Variants in ZYG11B observed in about 807,000 individuals in gnomAD.
ZYG11B encodes the protein zyg-11 family member B, cell cycle regulator, also known as protein zyg-11 homolog B.
Under a neutral mutation model 82.4 loss-of-function variants are expected in ZYG11B, and 36 were observed. The ratio of observed to expected loss-of-function variants is 0.44; its 90% CI spans 0.33 to 0.58. The LOEUF (loss-of-function observed/expected upper bound fraction) is 0.58, where lower values mean the gene tolerates loss of function less well. Ranked by LOEUF, ZYG11B falls within the 20% of genes least tolerant of loss-of-function variation. The pLI is 0.02. For missense variants in ZYG11B, 552 were observed against 895.6 expected (o/e 0.62, Z 4.90); for synonymous variants, 303 against 312.8 (o/e 0.97, Z 0.33).
chr1:52,729,100 C>T (rs945879413), intron 1 of ZYG11B, among the ~76,000 whole-genome samples: 1 of 152,158 alleles, frequency 6.6e-6, no homozygotes, highest in Non-Finnish European at 1.5e-5. Flanking sequence ...AAAATCAGTT[C>T]CCCAGTGGAT....
chr1:52,756,042 C>A (rs763952147), intron 1 of ZYG11B, among the ~76,000 whole-genome samples: 10 of 152,162 alleles, frequency 6.6e-5, no homozygotes, highest in Non-Finnish European at 1.2e-4. Flanking sequence ...TCAAGTGATC[C>A]TCCCACCTCG....
intron 1 of ZYG11B, among the ~76,000 whole-genome samples, chr1:52,749,635 C>T (rs925468895): frequency 1.3e-5 from 2 of 151,908 alleles, no homozygotes; most frequent in African/African-American, 4.8e-5. Context: ...TGGAGTTTTG[C>T]TCTCGTCGCC....
chr1:52,786,868 A>G (rs1644917490), intron 5 of ZYG11B, among the ~76,000 whole-genome samples: 1 of 152,200 alleles, frequency 6.6e-6, no homozygotes, highest in Non-Finnish European at 1.5e-5. Context: ...AGGCAGGCAT[A>G]TCACATGAGG....
intron 12 of ZYG11B, among the ~76,000 whole-genome samples, chr1:52,815,548 A>G (rs12069264): frequency 0.025 from 3,797 of 152,134 alleles, 162 homozygotes; most frequent in African/African-American, 0.087. Flanking sequence ...TGAGCCTGGA[A>G]GGTTGAGGCT....
intron 1 of ZYG11B, among the ~76,000 whole-genome samples, chr1:52,747,597 C>T (rs193127715): frequency 2.0e-5 from 3 of 151,508 alleles, no homozygotes; most frequent in Admixed American, 6.6e-5. Flanking sequence ...TTCTCTCTCT[C>T]GTAACAGGTA....
intron 1 of ZYG11B, among the ~76,000 whole-genome samples, chr1:52,756,052 G>A (rs1032403294): frequency 6.6e-6 from 1 of 152,066 alleles, no homozygotes; most frequent in South Asian, 2.1e-4. Context: ...CTCCCACCTC[G>A]GCCCTACCCT....
At chr1:52,736,797 C>T (rs746168890) in intron 1 of ZYG11B, among the ~76,000 whole-genome samples, 3 of 151,984 alleles carry the variant, frequency 2.0e-5, no homozygotes, top group Non-Finnish European at 2.9e-5. Flanking sequence ...CCATGTTGGT[C>T]AGGCTGGTCT....
intron 3 of ZYG11B, among the ~76,000 whole-genome samples, chr1:52,773,909 C>T (rs1445657866): frequency 6.6e-6 from 1 of 151,404 alleles, no homozygotes; most frequent in African/African-American, 2.4e-5. Context: ...TTCCAAAGTG[C>T]TAGGATTACA....
intron 1 of ZYG11B, among the ~76,000 whole-genome samples, chr1:52,745,747 A>G (rs1288119420): frequency 6.6e-6 from 1 of 151,432 alleles, no homozygotes; most frequent in Non-Finnish European, 1.5e-5. Flanking sequence ...TATTTTTAGT[A>G]GAGATGGGGT....
Position 52,801,815 on chromosome 1 carries a change from TCAGCAACTTC to T in ZYG11B, c.1486-3_1492del. On this transcript the variant is annotated splice_acceptor_variant and splice_polypyrimidine_tract_variant and coding_sequence_variant and intron_variant, in exon 9 of 14. Transcript: ENST00000294353. LOFTEE classifies it high-confidence loss of function. ...AAACTTATTTCTGTTTTTTTTTTTT[TCAGCAACTTC>T]TTCAAATAGTGAAGCAGAAAACCAA... The T allele has an allele frequency of 6.4e-7, 1 of 1,573,476 alleles. No homozygotes were observed. The highest frequency in any genetic ancestry group is 2.1e-5 in the Admixed American group (1 of 48,392).
intron 6 of ZYG11B, among the ~76,000 whole-genome samples, chr1:52,792,387 G>A (rs533012130): frequency 5.3e-4 from 80 of 152,272 alleles, no homozygotes; most frequent in Non-Finnish European, 1.0e-3. Context: ...AGATAAAAAC[G>A]GTAAAAACTA....
At position 52,776,229 on chromosome 1, in the gene ZYG11B, A is replaced by AATAT. The variant is rs1293809937; in HGVS notation, c.952-3611_952-3608dup. Among the ~76,000 whole-genome samples the AATAT allele has an allele frequency of 3.4e-4, 8 of 23,528 alleles. 2 individuals are homozygous for AATAT. The highest frequency in any genetic ancestry group is 5.8e-4 in the Non-Finnish European group (5 of 8,656). The allele number at this position is 23,528 out of a possible 152,430, so 15.4% of individuals were successfully genotyped here. On this transcript the variant is annotated intron_variant, in intron 3 of 13. Transcript: ENST00000294353. ...AGCAAAACTCTGTCTTAAAAAAAAA[A>AATAT]ATATATATATATATATGCAATAAAG...
intron 4 of ZYG11B, among the ~76,000 whole-genome samples, chr1:52,783,459 A>T (rs922075277): frequency 6.6e-6 from 1 of 152,026 alleles, no homozygotes; most frequent in Non-Finnish European, 1.5e-5. Flanking sequence ...TAACATATAC[A>T]TGAAGGGATT....
intron 1 of ZYG11B, among the ~76,000 whole-genome samples, chr1:52,735,071 C>A (rs1644367555): frequency 6.7e-6 from 1 of 149,150 alleles, no homozygotes; most frequent in African/African-American, 2.5e-5. Context: ...TCTCTCGTTG[C>A]CCAGGCTGGA....
At chr1:52,817,803 A>T (rs1223067169) in intron 13 of ZYG11B, among the ~76,000 whole-genome samples, 2 of 41,786 alleles carry the variant, frequency 4.8e-5, no homozygotes, top group African/African-American at 1.0e-4. Context: ...ATATATATAT[A>T]TATATATATA....
At chr1:52,785,297 GT>G (rs1433001887) in intron 5 of ZYG11B, among the ~76,000 whole-genome samples, 1 of 152,124 alleles carries the variant, frequency 6.6e-6, no homozygotes, top group African/African-American at 2.4e-5. Context: ...TAGATCTTGA[GT>G]TTGTGATCAT....
In ZYG11B at chr1:52,796,751, T is replaced by C. The variant is rs1373684475; in HGVS notation, c.1452T>C (p.Thr484=). Residue 484 remains threonine, a synonymous_variant, in exon 8 of 14, where the codon ACT becomes ACC. Coordinates refer to ENST00000294353, the MANE Select transcript of ZYG11B (RefSeq NM_024646.3). ...GCTTGCAGCTTTCTACAGAACAAAC[T>C]GCACAGCTTGGTACTGAGCTCTTCA... is the stretch of plus-strand genomic sequence containing the variant. The part of the protein sequence containing the change: ...ILAAKLSTEQ[T]AQLGTELFIV... The C allele has an allele frequency of 2.5e-6, 4 of 1,597,894 alleles. No individual in the cohort carries two copies. Among genetic ancestry groups the C allele is most frequent in the Non-Finnish European group, 3.4e-6 (4 of 1,174,620 alleles).
intron 6 of ZYG11B, 152 bp from the exon 7 acceptor site, chr1:52,796,140 A>C: frequency 2.0e-6 from 1 of 505,586 alleles, no homozygotes; most frequent in Non-Finnish European, 3.6e-6. Context: ...CATCTCTAAA[A>C]CACTAAGTGT....
At chr1:52,814,373 A>G (rs1571801540) in intron 12 of ZYG11B, among the ~76,000 whole-genome samples, 2 of 152,310 alleles carry the variant, frequency 1.3e-5, no homozygotes, top group African/African-American at 2.4e-5. Flanking sequence ...TCTACCACCT[A>G]TCACTCTTCA....
Sources: allele counts gnomAD v4.1 joint callset (sites outside exome capture counted in the v4.1 genomes callset), GRCh38; gene constraint gnomAD v4.1.1; transcripts MANE v1.5; gene names NCBI Gene and HGNC (gene_info 2026-07-23, HGNC 2026-07-21).